INO80: variants seen among roughly 807,000 people sequenced by gnomAD.
The protein encoded by INO80 is chromatin-remodeling ATPase INO80.
INO80 carries 20 observed loss-of-function variants against 203.4 expected under a neutral mutation model. The ratio of observed to expected loss-of-function variants is 0.10; its 90% confidence interval spans 0.07 to 0.14. INO80 has a LOEUF of 0.14. Ranked by LOEUF, INO80 falls within the 10% of genes least tolerant of loss-of-function variation. The pLI is 1.00. For synonymous variants in INO80, 726 were observed against 685.2 expected (o/e 1.06, Z -0.93); for missense variants, 1,419 against 1,914.4 (o/e 0.74, Z 4.83).
At position 40,979,099 on chromosome 15, in the gene INO80, C is replaced by T. The variant is rs974874492; in HGVS notation, c.*1124G>A. 6 of 152,562 alleles carry T rather than the reference C, an allele frequency of 3.9e-5. No individual in the cohort carries two copies. The highest frequency in any genetic ancestry group is 1.2e-4 in the African/African-American group (5 of 41,428). 9.5% of individuals were successfully genotyped at this position (152,562 alleles called of 1,614,324 possible). The stretch of plus-strand genomic sequence containing the variant: ...TCTTAATGATTTAAATTAAATGATT[C>T]CCCTATACCCCCTACTCCAAAAAAG... On this transcript the variant is annotated 3_prime_UTR_variant, in exon 36 of 36. Transcript: ENST00000648947.
At chr15:41,006,529 T>C (rs1361752697) in intron 27 of INO80, among the ~76,000 whole-genome samples, 1 of 152,190 alleles carries the variant, frequency 6.6e-6, no homozygotes, top group Non-Finnish European at 1.5e-5. Flanking sequence ...ATTTGGGAAA[T>C]GTTTGTGTTA....
chr15:41,083,251 T>C (rs1596316831), intron 7 of INO80, among the ~76,000 whole-genome samples: 1 of 134,482 alleles, frequency 7.4e-6, no homozygotes, highest in Non-Finnish European at 1.6e-5. Flanking sequence ...CACTCCAGCC[T>C]GGGCGACAAA....
rs73385877 is a variant in INO80 at position 40,987,669 on chromosome 15, C to T, written c.3729+147G>A. On this transcript the variant is annotated intron_variant, in intron 30 of 35. Transcript: ENST00000648947. The stretch of plus-strand genomic sequence containing the variant: ...AGTCAAAATTGCTATTGCATGGGAC[C>T]TGATTTTATTTTCTATTCAGAAGAA... 815 of 801,370 alleles carry T rather than the reference C, an allele frequency of 1.0e-3. 8 individuals carry two copies. The African/African-American group carries it at 0.012, about 12-fold the overall frequency. 49.6% of individuals were successfully genotyped at this position (801,370 alleles called of 1,614,324 possible).
chr15:41,038,446 C>T (rs1334556156), intron 24 of INO80, among the ~76,000 whole-genome samples: 1 of 152,196 alleles, frequency 6.6e-6, no homozygotes, highest in Non-Finnish European at 1.5e-5. Flanking sequence ...CACCTCCTAA[C>T]CAGGATCTTT....
At chr15:41,041,383 G>A (rs1418154067) in intron 24 of INO80, among the ~76,000 whole-genome samples, 1 of 151,392 alleles carries the variant, frequency 6.6e-6, no homozygotes, top group Non-Finnish European at 1.5e-5. Flanking sequence ...GAGCCACGAT[G>A]CCTAGCCTCT....
chr15:41,055,187 C>T (rs910745264), intron 18 of INO80, 60 bp downstream of exon 18: 16 of 803,956 alleles, frequency 2.0e-5, no homozygotes, highest in African/African-American at 5.2e-5. Context: ...AGAAAATATG[C>T]AATTACGTGG....
intron 19 of INO80, among the ~76,000 whole-genome samples, chr15:41,052,676 A>G (rs951330873): frequency 1.9e-4 from 7 of 36,146 alleles, no homozygotes; most frequent in Non-Finnish European, 3.0e-4. Context: ...TTGTCTTACA[A>G]AAAAAAAAAA....
intron 7 of INO80, among the ~76,000 whole-genome samples, chr15:41,083,180 G>A (rs1376031145): frequency 6.7e-6 from 1 of 150,352 alleles, no homozygotes; most frequent in Non-Finnish European, 1.5e-5. Context: ...AGCTACTCCG[G>A]AGGCTGAAGG....
At chr15:40,991,217 A>G (rs1015262601) in intron 29 of INO80, among the ~76,000 whole-genome samples, 1 of 152,210 alleles carries the variant, frequency 6.6e-6, no homozygotes, top group Non-Finnish European at 1.5e-5. Context: ...TATGGAAGAT[A>G]TTTATCCTTT....
In INO80 at chr15:41,116,108, T is replaced by A. The variant is rs2046032818; in HGVS notation, c.-179A>T. 1 of 397,164 alleles carries A rather than the reference T, an allele frequency of 2.5e-6. No individual in the cohort carries two copies. Among genetic ancestry groups the A allele is most frequent in the African/African-American group, 2.1e-5 (1 of 48,532 alleles). 24.6% of individuals were successfully genotyped at this position (397,164 alleles called of 1,614,324 possible). ...TGAGGCCGTGGGACGGTGACTGCGTTGGGCGTGGACGCTCCTAGCTCGCTC... is the reference window on the plus strand; with the variant it reads ...TGAGGCCGTGGGACGGTGACTGCGTAGGGCGTGGACGCTCCTAGCTCGCTC... On this transcript the variant is annotated 5_prime_UTR_variant, in exon 1 of 36. Transcript: ENST00000648947.
intron 22 of INO80, among the ~76,000 whole-genome samples, chr15:41,047,857 T>G (rs2044797105): frequency 6.6e-6 from 1 of 152,166 alleles, no homozygotes; most frequent in South Asian, 2.1e-4. Context: ...TTTTGGACAA[T>G]GAGCAAAGCT....
At chr15:41,015,109 T>C (rs2044184234) in intron 27 of INO80, among the ~76,000 whole-genome samples, 1 of 152,142 alleles carries the variant, frequency 6.6e-6, no homozygotes, top group Non-Finnish European at 1.5e-5. Context: ...TGACCTCCTG[T>C]CCCTTAAAAA....
At chr15:41,000,595 T>G (rs770595951) in intron 28 of INO80, among the ~76,000 whole-genome samples, 32 of 149,854 alleles carry the variant, frequency 2.1e-4, no homozygotes, top group Non-Finnish European at 4.4e-4. Context: ...CTTGGGAGGC[T>G]GAGGTAGGAG....
chr15:40,993,073 G>A (rs1253973607), intron 29 of INO80, among the ~76,000 whole-genome samples: 1 of 152,156 alleles, frequency 6.6e-6, no homozygotes, highest in Non-Finnish European at 1.5e-5. Context: ...GGGATTACAG[G>A]CATGAGCCAC....
chr15:41,067,974 C>T (rs989020795), intron 14 of INO80, among the ~76,000 whole-genome samples: 4 of 152,184 alleles, frequency 2.6e-5, no homozygotes, highest in South Asian at 2.1e-4. Context: ...TAAATCTAAT[C>T]AATGTCTTGC....
intron 22 of INO80, 84 bp from the exon 23 acceptor site, chr15:41,047,585 A>C: frequency 1.1e-6 from 1 of 931,440 alleles, no homozygotes; most frequent in Non-Finnish European, 1.7e-6. Flanking sequence ...CTGAGTTTTG[A>C]CTTAAGAACA....
At chr15:41,056,904 C>A (rs1483287523) in intron 16 of INO80, among the ~76,000 whole-genome samples, 198 bp from the exon 17 acceptor site, 1 of 152,168 alleles carries the variant, frequency 6.6e-6, no homozygotes, top group Non-Finnish European at 1.5e-5. Flanking sequence ...GTCCTCTCTA[C>A]TGAAAACACG....
intron 24 of INO80, among the ~76,000 whole-genome samples, chr15:41,034,736 C>T (rs2044543759): frequency 2.0e-5 from 3 of 152,132 alleles, no homozygotes; most frequent in African/African-American, 7.2e-5. Context: ...TTACATTTCC[C>T]CATGTCTCTT....
chr15:41,081,144 CT>C, intron 7 of INO80, 71 bp from the exon 8 acceptor site: 1 of 955,296 alleles, frequency 1.0e-6, no homozygotes, highest in Non-Finnish European at 1.7e-6. Flanking sequence ...AATGAACAGT[CT>C]TTTACTCAAT....
Sources: allele counts gnomAD v4.1 joint callset (sites outside exome capture counted in the v4.1 genomes callset), GRCh38; gene constraint gnomAD v4.1.1; transcripts MANE v1.5; gene names NCBI Gene and HGNC (gene_info 2026-07-23, HGNC 2026-07-21).